CLIP2: variants seen among roughly 807,000 people sequenced by gnomAD.
The protein encoded by CLIP2 is CAP-Gly domain-containing linker protein 2.
CLIP2 carries 41 observed loss-of-function variants against 111.7 expected under a neutral mutation model. The ratio of observed to expected loss-of-function variants is 0.37; its 90% confidence interval spans 0.29 to 0.48. CLIP2 has a LOEUF of 0.48. Among genes scored for constraint, CLIP2 ranks in the 20% least tolerant of loss-of-function variants. The probability of loss-of-function intolerance (pLI) is 0.99; values close to 1 mark genes in which losing one functional copy is unlikely to be tolerated. For synonymous variants in CLIP2, 660 were observed against 644.2 expected, an observed-to-expected ratio of 1.02 and a Z score of -0.37; for missense variants, 1,160 against 1,422.1, an observed-to-expected ratio of 0.82 and a Z score of 2.96.
intron 1 of CLIP2, among the ~76,000 whole-genome samples, chr7:74,293,179 A>T (rs1554725613): frequency 6.6e-6 from 1 of 152,230 alleles, no homozygotes; most frequent in Admixed American, 6.5e-5. Context: ...TGCAAGGAAC[A>T]GGAACCTGCT....
chr7:74,362,787 G>A (rs1490028135), intron 7 of CLIP2, among the ~76,000 whole-genome samples: 2 of 151,926 alleles, frequency 1.3e-5, no homozygotes, highest in East Asian at 1.9e-4. Context: ...CACCCGCCTC[G>A]GCCTCCCAAA....
chr7:74,298,826 A>G lies in CLIP2; in HGVS notation c.-68+9092A>G, dbSNP rs538762219. 1.8e-3 allele frequency among the ~76,000 whole-genome samples: 279 copies of G among 152,082 alleles called. 1 individual carries two copies. Among genetic ancestry groups the G allele is most frequent in the African/African-American group, 6.4e-3 (266 of 41,500 alleles). On this transcript the variant is annotated intron_variant, in intron 1 of 16. Coordinates refer to ENST00000223398, the MANE Select transcript of CLIP2 (RefSeq NM_003388.5). ...AGTGCTGGGATTACAGATGTGAGCC[A>G]CTGTGCCCAGTCTGTTTCTATTTTT...
chr7:74,371,246 A>AG (rs1407869281), intron 8 of CLIP2, among the ~76,000 whole-genome samples: 3 of 150,196 alleles, frequency 2.0e-5, no homozygotes, highest in Non-Finnish European at 3.0e-5. Flanking sequence ...TATGCCTCAA[A>AG]AAAAAAAAAA....
chr7:74,339,971 G>C (rs1184772308), intron 3 of CLIP2, among the ~76,000 whole-genome samples: 6 of 152,074 alleles, frequency 3.9e-5, no homozygotes, highest in Non-Finnish European at 8.8e-5. Context: ...GCATGACCCT[G>C]TACTCCCAGC....
intron 3 of CLIP2, among the ~76,000 whole-genome samples, chr7:74,351,305 T>C (rs1358828016): frequency 6.7e-6 from 1 of 149,786 alleles, no homozygotes; most frequent in Non-Finnish European, 1.5e-5. Flanking sequence ...CTACAAAAAA[T>C]AGCCAGGCGT....
chr7:74,399,398 G>A (rs1295863909), intron 14 of CLIP2, among the ~76,000 whole-genome samples: 3 of 152,078 alleles, frequency 2.0e-5, no homozygotes, highest in Non-Finnish European at 2.9e-5. Flanking sequence ...AATTAGCCAA[G>A]TGTGGTTGCA....
rs142813781 is a variant in CLIP2 at position 74,311,864 on chromosome 7, A to G, written c.-67-5616A>G. ...GAGTTGGAGGCTGCAGTGAGCTATG[A>G]TCGTGTCACTGCACTCCAGCCTGGG... On this transcript the variant is annotated intron_variant, in intron 1 of 16. Coordinates refer to ENST00000223398, the MANE Select transcript of CLIP2 (RefSeq NM_003388.5). Among the ~76,000 whole-genome samples the G allele has an allele frequency of 4.9e-3, 747 of 151,086 alleles. 8 individuals carry two copies. The highest frequency in any genetic ancestry group is 0.017 in the African/African-American group (722 of 41,310).
chr7:74,307,992 T>C (rs558887395), intron 1 of CLIP2, among the ~76,000 whole-genome samples: 19 of 152,252 alleles, frequency 1.2e-4, no homozygotes, highest in Admixed American at 2.0e-4. Flanking sequence ...GGAGAGACTA[T>C]GGCCCTGCCT....
Position 74,338,491 on chromosome 7 carries a change from G to A in CLIP2, c.165G>A (p.Pro55=), listed in dbSNP as rs531955147. 410 of 1,612,072 alleles carry A rather than the reference G, an allele frequency of 2.5e-4. 3 individuals carry two copies. In the South Asian group the frequency reaches 4.1e-3, roughly 16 times the overall value. Reference sequence around the variant, plus strand: ...AGTCATCTGGACCCTCCTCCTCCCCGGCCGCAGCTGCTGCCCCCGAGAAGC... The same window carrying A: ...AGTCATCTGGACCCTCCTCCTCCCCAGCCGCAGCTGCTGCCCCCGAGAAGC... ...HKQSSGPSSS[P]AAAAAPEKPG... The change falls in exon 3 of 17, where the codon CCG becomes CCA. Residue 55 remains proline (P), a synonymous_variant. Transcript: ENST00000223398. The surrounding 1 kb of genome is among the most constrained non-coding windows in gnomAD (Gnocchi z 4.3).
intron 3 of CLIP2, among the ~76,000 whole-genome samples, chr7:74,349,461 TG>T: frequency 1.3e-5 from 1 of 78,174 alleles, no homozygotes; most frequent in Non-Finnish European, 2.6e-5. Context: ...TGTATGTGTG[TG>T]TGTGTGTGTA....
chr7:74,295,137 AT>A (rs1283462067), intron 1 of CLIP2, among the ~76,000 whole-genome samples: 2 of 151,888 alleles, frequency 1.3e-5, no homozygotes, highest in East Asian at 3.9e-4. Flanking sequence ...TAATTTTTAT[AT>A]TTTTTTGTAG....
At chr7:74,306,326 C>A (rs1423108510) in intron 1 of CLIP2, among the ~76,000 whole-genome samples, 1 of 152,092 alleles carries the variant, frequency 6.6e-6, no homozygotes, top group Non-Finnish European at 1.5e-5. Flanking sequence ...TGCTGGGACC[C>A]CCGAGGGCCC....
intron 1 of CLIP2, among the ~76,000 whole-genome samples, chr7:74,299,123 G>A (rs1554726417): frequency 6.6e-6 from 1 of 152,040 alleles, no homozygotes; most frequent in Non-Finnish European, 1.5e-5. Flanking sequence ...CTTGAGCCCA[G>A]GAGTTGGAGA....
intron 6 of CLIP2, among the ~76,000 whole-genome samples, chr7:74,359,492 T>C (rs1322103755): frequency 1.3e-5 from 2 of 151,754 alleles, no homozygotes; most frequent in Non-Finnish European, 2.9e-5. Flanking sequence ...TAGCTGGGAC[T>C]ACAGGAGCCC....
chr7:74,296,924 C>G (rs1554726204), intron 1 of CLIP2, among the ~76,000 whole-genome samples: 2 of 152,200 alleles, frequency 1.3e-5, no homozygotes, highest in African/African-American at 4.8e-5. Flanking sequence ...TTTGTAATGA[C>G]AGCCATAGCA....
chr7:74,340,251 C>T (rs1277091236), intron 3 of CLIP2, among the ~76,000 whole-genome samples: 1 of 152,068 alleles, frequency 6.6e-6, no homozygotes, highest in Non-Finnish European at 1.5e-5. Context: ...CAAAAATTAG[C>T]TGGCTGTGAT....
chr7:74,338,843 T>G lies in CLIP2; in HGVS notation c.517T>G (p.Ser173Ala), dbSNP rs1554732718. Residue 173 changes from serine (S) to alanine (A), a missense_variant, in exon 3 of 17, where the codon TCG becomes GCG. Around this residue, in one of 5 missense-constraint regions of CLIP2, gnomAD observed 301 missense variants for 315.2 expected, o/e 0.96. Coordinates refer to ENST00000223398, the MANE Select transcript of CLIP2 (RefSeq NM_003388.5). The surrounding 1 kb of genome is among the most constrained non-coding windows in gnomAD (Gnocchi z 4.3). ...GACTGCCCAGAACCTGTCATTGCATTCGGGCACGGCCACGCCCCCGCTGAC... is the reference window on the plus strand; with the variant it reads ...GACTGCCCAGAACCTGTCATTGCATGCGGGCACGGCCACGCCCCCGCTGAC... ...SLTAQNLSLH[S>A]GTATPPLTSR... 4 of 1,610,384 alleles carry G rather than the reference T, an allele frequency of 2.5e-6. No homozygotes were observed. Among genetic ancestry groups the G allele is most frequent in the Middle Eastern group, 1.6e-4 (1 of 6,062 alleles).
chr7:74,340,458 A>G (rs1789627306), intron 3 of CLIP2, among the ~76,000 whole-genome samples: 1 of 152,204 alleles, frequency 6.6e-6, no homozygotes, highest in African/African-American at 2.4e-5. Flanking sequence ...CAGGAGGTGC[A>G]GACACCTTAT....
intron 9 of CLIP2, among the ~76,000 whole-genome samples, chr7:74,373,493 G>A (rs1434313664): frequency 6.6e-5 from 10 of 152,132 alleles, no homozygotes; most frequent in South Asian, 2.1e-4. Flanking sequence ...GTGAGACTCC[G>A]CCTCAAAAAC....
Sources: gnomAD v4.1 joint callset for allele counts (sites outside exome capture counted in the v4.1 genomes callset) on GRCh38, gnomAD v4.1.1 for gene constraint, gnomAD v4.1.1 regional missense constraint, Gnocchi (gnomAD v3.1) non-coding constraint, MANE v1.5 for transcripts, NCBI Gene and HGNC (gene_info 2026-07-23, HGNC 2026-07-21) for gene names.